The following DOK3 variants were observed in gnomAD, a reference collection of about 807,000 sequenced individuals.
DOK3 encodes Dok-like protein.
Under a neutral mutation model 26.2 loss-of-function variants are expected in DOK3, and 23 were observed. The observed-to-expected ratio is 0.88, with a 90% confidence interval of 0.63 to 1.24. DOK3 has a LOEUF of 1.24. Ranked by LOEUF, DOK3 falls within the 50% of genes most tolerant of loss-of-function variation. DOK3 has a pLI of 0.00. For missense variants in DOK3, 619 were observed against 610.6 expected (o/e 1.01, Z -0.15); for synonymous variants, 268 against 268.2 (o/e 1.00, Z 0.01).
chr5:177,506,956 G>C (rs1441753503), intron 3 of DOK3, among the ~76,000 whole-genome samples: 1 of 152,146 alleles, frequency 6.6e-6, no homozygotes, highest in East Asian at 1.9e-4. Flanking sequence ...AAAGTGCTGG[G>C]ATTATAGGCC....
At chr5:177,510,137 A>C, upstream of DOK3, 15 of 552,958 alleles carry the variant, frequency 2.7e-5, no homozygotes, top group East Asian at 9.1e-5. Context: ...ACTCTCCACA[A>C]CCCAAGACCA....
rs1187684289 is a variant in DOK3, at chr5:177,504,792, G to A, written c.596C>T (p.Ala199Val). 1.9e-6 allele frequency: 3 copies of A among 1,614,022 alleles called. No homozygotes were observed. Among genetic ancestry groups the A allele is most frequent in the South Asian group, 1.1e-5 (1 of 91,086 alleles). The part of the protein sequence containing the change: ...IQLREAKGTQ[A>V]LYSWPYHFLR... ...GAAGTGGTAGGGCCAGCTGTAGAGG[G>A]CCTGGGTGCCCTTGGCCTCCCTCAG... The change falls in exon 5 of 6, where the codon GCC becomes GTC. Residue 199 changes from alanine to valine, a missense_variant. Transcript: ENST00000510898.
At position 177,503,111 on chromosome 5, in the gene DOK3, C is replaced by A. The variant is rs1759515445; in HGVS notation, c.*872G>T. 6 of 1,551,262 alleles carry A rather than the reference C, an allele frequency of 3.9e-6. No individual in the cohort carries two copies. The highest frequency in any genetic ancestry group is 2.0e-5 in the Admixed American group (1 of 50,970). ...GGTGAGGGGCTGGGCAGTCAGAGCCCTGGAGGCATGACGCTTGCGTGCGTG... is the reference window on the plus strand; with the variant it reads ...GGTGAGGGGCTGGGCAGTCAGAGCCATGGAGGCATGACGCTTGCGTGCGTG... On this transcript the variant is annotated 3_prime_UTR_variant, in exon 6 of 6. Transcript: ENST00000510898.
intron 3 of DOK3, among the ~76,000 whole-genome samples, chr5:177,506,233 C>A (rs1351731341): frequency 6.6e-6 from 1 of 150,730 alleles, no homozygotes; most frequent in African/African-American, 2.4e-5. Flanking sequence ...GGATTACAGG[C>A]ACGAACCTCC....
chr5:177,503,330 T>TA lies in DOK3; in HGVS notation c.*652dup. On this transcript the variant is annotated 3_prime_UTR_variant, in exon 6 of 6. Transcript: ENST00000510898. ...AACTCTCATCAAGGATTATGCCTGA[T>TA]ACGTCATCGGTTCTCTCTCCTTTAC... The TA allele has an allele frequency of 6.4e-7, 1 of 1,551,528 alleles. No individual in the cohort carries two copies. Among genetic ancestry groups the TA allele is most frequent in the Middle Eastern group, 1.7e-4 (1 of 5,992 alleles).
chr5:177,503,458 C>T lies in DOK3; in HGVS notation c.*525G>A. 6.8e-7 allele frequency: 1 copy of T among 1,474,226 alleles called. No homozygotes were observed. Among genetic ancestry groups the T allele is most frequent in the South Asian group, 1.4e-5 (1 of 71,682 alleles). The allele number at this position is 1,474,226 out of a possible 1,614,324, so 91.3% of individuals were successfully genotyped here. On this transcript the variant is annotated 3_prime_UTR_variant, in exon 6 of 6. Coordinates refer to ENST00000510898, the MANE Select transcript of DOK3 (RefSeq NM_001308236.3). ...GACGAGGGTGTCTCTGAAATCCCTT[C>T]CACCTGCACCCCGCCCCCACTGCCT...
chr5:177,503,960 C>G lies in DOK3; in HGVS notation c.*23G>C. 1 of 1,518,710 alleles carries G rather than the reference C, an allele frequency of 6.6e-7. No individual in the cohort carries two copies. Among genetic ancestry groups the G allele is most frequent in the Non-Finnish European group, 8.8e-7 (1 of 1,132,946 alleles). The allele number at this position is 1,518,710 out of a possible 1,614,324, so 94.1% of individuals were successfully genotyped here. On this transcript the variant is annotated 3_prime_UTR_variant, in exon 6 of 6. Transcript: ENST00000510898. ...GTCCCAGGGGGAGCACCTCTCCCCT[C>G]TGGCCACCACTCTGCTGGGCGTTCA...
intron 2 of DOK3, 194 bp from the exon 3 acceptor site, chr5:177,508,736 C>G (rs1024760215): frequency 8.3e-5 from 45 of 542,994 alleles, no homozygotes; most frequent in East Asian, 3.0e-5. Flanking sequence ...CCAGCCCGCT[C>G]TTTCCTAACT....
At position 177,504,506 on chromosome 5, in the gene DOK3, C is replaced by A. The variant is rs763727898; in HGVS notation, c.800G>T (p.Cys267Phe). 3.2e-5 allele frequency: 50 copies of A among 1,587,210 alleles called. No homozygotes were observed. In the East Asian group the frequency reaches 4.0e-4, roughly 13 times the overall value. The change falls in exon 6 of 6, where the codon TGC becomes TTC. Residue 267 changes from cysteine (C) to phenylalanine (F), a missense_variant. Cys to Phe is a radical substitution (Grantham distance 205). Coordinates refer to ENST00000510898, the MANE Select transcript of DOK3 (RefSeq NM_001308236.3). ...CAGAGAGGTGGCCCGTGGCAGGGGGCAGGGCTGGGGCCTGGTCAGCTCTGG... is the reference window on the plus strand; with the variant it reads ...CAGAGAGGTGGCCCGTGGCAGGGGGAAGGGCTGGGGCCTGGTCAGCTCTGG... The part of the protein sequence containing the change: ...RLPELTRPQP[C>F]PLPRATSLPS...
chr5:177,510,168 G>C, upstream of DOK3: 1 of 509,414 alleles, frequency 2.0e-6, no homozygotes, highest in Non-Finnish European at 3.5e-6. Context: ...CCCCTTCCTG[G>C]GGTGCAGCCC....
upstream of DOK3, chr5:177,510,908 G>GT (rs72595470): frequency 0.97 from 148,082 of 152,394 alleles, 72,091 homozygotes; most frequent in South Asian, 1. Context: ...CGCCTGTGCC[G>GT]TCCCTGCCTA....
At position 177,509,781 on chromosome 5, in the gene DOK3, G is replaced by C; in HGVS notation, c.-141C>G. On this transcript the variant is annotated 5_prime_UTR_variant, in exon 1 of 6. Coordinates refer to ENST00000510898, the MANE Select transcript of DOK3 (RefSeq NM_001308236.3). ...ACCTGGAGGGAGCCCCCGGCCACCT[G>C]AAGGCAGCCTTCTCACGCACCTGGT... 6.2e-7 allele frequency: 1 copy of C among 1,612,244 alleles called. No homozygotes were observed. The highest frequency in any genetic ancestry group is 8.5e-7 in the Non-Finnish European group (1 of 1,179,972).
chr5:177,506,392 G>A lies in DOK3; in HGVS notation c.373-1282C>T, dbSNP rs993814555. Among the ~76,000 whole-genome samples the A allele has an allele frequency of 3.6e-4, 53 of 146,592 alleles. 1 individual carries two copies. Among genetic ancestry groups the A allele is most frequent in the Non-Finnish European group, 5.9e-5 (4 of 67,392 alleles). On this transcript the variant is annotated intron_variant, in intron 3 of 5. Coordinates refer to ENST00000510898, the MANE Select transcript of DOK3 (RefSeq NM_001308236.3). ...GTCGGCCAGGCTGGAATGCAGTGGT[G>A]CGATCTAAGCTCACTGCAACCTCTG... is the stretch of plus-strand genomic sequence containing the variant.
At chr5:177,510,318 T>G, upstream of DOK3, 1 of 190,676 alleles carries the variant, frequency 5.2e-6, no homozygotes, top group Non-Finnish European at 1.1e-5. Context: ...CCTTGACCAC[T>G]CCACGCTGTC....
chr5:177,509,370 C>T lies in DOK3; in HGVS notation c.66+105G>A, dbSNP rs995098924. The T allele has an allele frequency of 6.4e-5, 94 of 1,463,346 alleles. No individual in the cohort carries two copies. In the Middle Eastern group the frequency reaches 2.7e-3, roughly 42 times the overall value. The allele number at this position is 1,463,346 out of a possible 1,614,324, so 90.6% of individuals were successfully genotyped here. On this transcript the variant is annotated intron_variant, in intron 2 of 5. Transcript: ENST00000510898. The stretch of plus-strand genomic sequence containing the variant: ...TGGGATCCTCCACCCTGACTCCCTT[C>T]CCAAGTCTCCCAGGTCTGCCTGGGC...
rs1289587288 is a variant in DOK3 at position 177,504,167 on chromosome 5, T to C, written c.1139A>G (p.Gln380Arg). The C allele has an allele frequency of 6.2e-7, 1 of 1,613,890 alleles. No homozygotes were observed. Among genetic ancestry groups the C allele is most frequent in the Non-Finnish European group, 8.5e-7 (1 of 1,179,896 alleles). The change falls in exon 6 of 6, where the codon CAG becomes CGG. Residue 380 changes from glutamine to arginine, a missense_variant. By Grantham distance (43) the Gln-to-Arg change is conservative. Transcript: ENST00000510898. ...PTTSPIYHNG[Q>R]DLSWPGPAND... ...GGCCGGGCCGGGCCAGCTCAAGTCC[T>C]GGCCGTTGTGGTAGATGGGACTGGT...
Position 177,503,294 on chromosome 5 carries a change from G to T in DOK3, c.*689C>A, listed in dbSNP as rs1382896344. The T allele has an allele frequency of 6.4e-7, 1 of 1,550,608 alleles. No homozygotes were observed. The highest frequency in any genetic ancestry group is 8.7e-7 in the Non-Finnish European group (1 of 1,145,946). On this transcript the variant is annotated 3_prime_UTR_variant, in exon 6 of 6. Transcript: ENST00000510898. ...GTCCCCCAGCGCCTGGCACTGAGTA[G>T]GCACGCAGCAAACTCTCATCAAGGA...
Position 177,509,819 on chromosome 5 carries a change from G to A in DOK3, c.-179C>T, listed in dbSNP as rs374717616. The A allele has an allele frequency of 2.0e-5, 32 of 1,611,316 alleles. No homozygotes were observed. The highest frequency in any genetic ancestry group is 8.9e-5 in the East Asian group (4 of 44,874). On this transcript the variant is annotated 5_prime_UTR_variant, in exon 1 of 6. Coordinates refer to ENST00000510898, the MANE Select transcript of DOK3 (RefSeq NM_001308236.3). ...TCACGCACCTGGTTCAGCTGGGCAC[G>A]CGCGTCTGATCGCAGTCTGGCTCCC...
Position 177,503,945 on chromosome 5 carries a change from G to A in DOK3, c.*38C>T, listed in dbSNP as rs1370294461. On this transcript the variant is annotated 3_prime_UTR_variant, in exon 6 of 6. Transcript: ENST00000510898. ...CCAGCCCACCCTCCTGTCCCAGGGG[G>A]AGCACCTCTCCCCTCTGGCCACCAC... The A allele has an allele frequency of 8.0e-6, 12 of 1,499,398 alleles. No individual in the cohort carries two copies. In the South Asian group the frequency reaches 9.0e-5, roughly 11 times the overall value. The allele number at this position is 1,499,398 out of a possible 1,614,324, so 92.9% of individuals were successfully genotyped here.
Sources: gnomAD v4.1 joint callset for allele counts (sites outside exome capture counted in the v4.1 genomes callset) on GRCh38, gnomAD v4.1.1 for gene constraint, MANE v1.5 for transcripts, NCBI Gene and HGNC (gene_info 2026-07-23, HGNC 2026-07-21) for gene names.